Variants in FKBP5 observed in about 807,000 individuals in gnomAD.
FKBP5 encodes peptidyl-prolyl cis-trans isomerase FKBP5.
A neutral mutation model predicts 50.5 loss-of-function variants in FKBP5; 23 were observed. The ratio of observed to expected loss-of-function variants is 0.46; its 90% CI spans 0.33 to 0.65. FKBP5 has a LOEUF of 0.65. Among genes scored for constraint, FKBP5 ranks in the 30% least tolerant of loss-of-function variants. The probability of loss-of-function intolerance (pLI) is 0.02; values close to 1 mark genes in which losing one functional copy is unlikely to be tolerated. For synonymous variants in FKBP5, 176 were observed against 190.6 expected, an observed-to-expected ratio of 0.92 and a Z score of 0.63; for missense variants, 411 against 553.1, an observed-to-expected ratio of 0.74 and a Z score of 2.58.
chr6:35,575,005 AGAG>A lies in FKBP5; in HGVS notation c.*827_*829del, dbSNP rs749294394. On this transcript the variant is annotated 3_prime_UTR_variant, in exon 11 of 11. Transcript: ENST00000357266. ...TTGAATATTATTCCCTAAAAGGAAT[AGAG>A]GAGGGGAGAAAAAGCACAATTCTGA... 1 of 152,238 alleles carries A rather than the reference AGAG, an allele frequency of 6.6e-6. No homozygotes were observed. 9.4% of individuals were successfully genotyped at this position (152,238 alleles called of 1,614,324 possible).
intron 9 of FKBP5, among the ~76,000 whole-genome samples, chr6:35,578,692 C>T (rs541807500): frequency 1.3e-4 from 20 of 149,258 alleles, no homozygotes; most frequent in Middle Eastern, 3.5e-3. Flanking sequence ...CGCTTGAACT[C>T]GGGAGGTGGA....
At chr6:35,636,704 T>C (rs1221254361) in intron 3 of FKBP5, among the ~76,000 whole-genome samples, 1 of 152,236 alleles carries the variant, frequency 6.6e-6, no homozygotes, top group Non-Finnish European at 1.5e-5. Context: ...CTGGAACAGC[T>C]GGTTACCACT....
At chr6:35,667,072 T>C (rs1375032129) in intron 1 of FKBP5, among the ~76,000 whole-genome samples, 1 of 150,720 alleles carries the variant, frequency 6.6e-6, no homozygotes, top group Non-Finnish European at 1.5e-5. Context: ...CATAGATGCA[T>C]GCCTTTTAAA....
intron 8 of FKBP5, chr6:35,582,579 G>A: frequency 1.2e-6 from 1 of 828,774 alleles, no homozygotes; most frequent in Non-Finnish European, 1.5e-6. Flanking sequence ...CACTGATCCT[G>A]CTAACACCTT....
At chr6:35,585,749 G>GT (rs1762579119) in intron 8 of FKBP5, 1 of 983,746 alleles carries the variant, frequency 1.0e-6, no homozygotes, top group African/African-American at 1.7e-5. Context: ...CACAAGCAAA[G>GT]TTTTATGCAA....
At chr6:35,712,328 G>C (rs1766430147) in intron 2 of FKBP5, among the ~76,000 whole-genome samples, 1 of 152,092 alleles carries the variant, frequency 6.6e-6, no homozygotes, top group South Asian at 2.1e-4. Flanking sequence ...TTGCCACAGA[G>C]TTGTTTGTTT....
intron 8 of FKBP5, chr6:35,582,658 T>C (rs949010048): frequency 2.4e-5 from 24 of 985,160 alleles, no homozygotes; most frequent in Non-Finnish European, 4.8e-6. Flanking sequence ...GGTATTTTAC[T>C]GTGGCAGCCC....
chr6:35,633,739 G>A (rs922693223), intron 3 of FKBP5, among the ~76,000 whole-genome samples: 1 of 151,948 alleles, frequency 6.6e-6, no homozygotes, highest in Non-Finnish European at 1.5e-5. Context: ...AGTCTTTTAT[G>A]GTTTTTGTTC....
At chr6:35,590,888 T>TAAAAAA (rs199896008) in intron 7 of FKBP5, among the ~76,000 whole-genome samples, 1 of 131,162 alleles carries the variant, frequency 7.6e-6, no homozygotes, top group Non-Finnish European at 1.7e-5. Context: ...CCAAAAAAGT[T>TAAAAAA]AAAAAAAAAA....
At chr6:35,628,899 T>C (rs1428707206) in intron 3 of FKBP5, among the ~76,000 whole-genome samples, 1 of 152,194 alleles carries the variant, frequency 6.6e-6, no homozygotes, top group Non-Finnish European at 1.5e-5. Context: ...GTATTTGTAG[T>C]AGAGACAGGG....
At chr6:35,591,343 G>A in intron 6 of FKBP5, 123 bp from the exon 7 acceptor site, 1 of 617,522 alleles carries the variant, frequency 1.6e-6, no homozygotes, top group South Asian at 2.0e-5. Flanking sequence ...AGACCCTGAA[G>A]ACAAACCAGA....
intron 3 of FKBP5, among the ~76,000 whole-genome samples, chr6:35,635,286 G>A (rs964415325): frequency 6.6e-6 from 1 of 152,034 alleles, no homozygotes; most frequent in African/African-American, 2.4e-5. Flanking sequence ...GCAGTGGGCC[G>A]AGATGGTGCT....
chr6:35,588,806 A>G (rs529383998), intron 7 of FKBP5, among the ~76,000 whole-genome samples: 22 of 143,500 alleles, frequency 1.5e-4, no homozygotes, highest in Middle Eastern at 3.7e-3. Flanking sequence ...GGGTCTCACT[A>G]TGTTGCTCAG....
At chr6:35,675,398 C>G (rs143156374) in intron 1 of FKBP5, among the ~76,000 whole-genome samples, 3 of 152,088 alleles carry the variant, frequency 2.0e-5, no homozygotes, top group Non-Finnish European at 2.9e-5. Context: ...GGTGAAACCC[C>G]GTCTCTACTA....
chr6:35,657,008 G>A (rs1027390946), intron 1 of FKBP5, among the ~76,000 whole-genome samples: 13 of 151,596 alleles, frequency 8.6e-5, no homozygotes, highest in African/African-American at 1.9e-4. Context: ...TCAGGAGATC[G>A]AGACCATCCT....
At chr6:35,705,250 ATATATATATTTTTTTTTTTTTTTTTTTT>A in intron 2 of FKBP5, among the ~76,000 whole-genome samples, 2 of 4,630 alleles carry the variant, frequency 4.3e-4, no homozygotes, top group East Asian at 0.012. Context: ...ATATATATAT[ATATATATATTTTTTTTTTTTTTTTTTTT>A]TTTTTGGAGA....
intron 1 of FKBP5, among the ~76,000 whole-genome samples, chr6:35,681,812 G>T (rs974486724): frequency 6.6e-6 from 1 of 151,956 alleles, no homozygotes; most frequent in African/African-American, 2.4e-5. Flanking sequence ...ATGTAAAAAA[G>T]ATATTTGATA....
intron 1 of FKBP5, among the ~76,000 whole-genome samples, chr6:35,652,201 G>A (rs4544902): frequency 0.68 from 98,886 of 145,634 alleles, 31,964 homozygotes; most frequent in East Asian, 0.76. Flanking sequence ...AGAAGGATGT[G>A]TATCGTCTCA....
Position 35,575,844 on chromosome 6 carries a change from G to A in FKBP5, c.1365C>T (p.Gly455=), listed in dbSNP as rs956058356. The change falls in exon 11 of 11, where the codon GGC becomes GGT. Residue 455 remains glycine, a synonymous_variant. Transcript: ENST00000357266. The part of the protein sequence containing the change: ...SQAMEEEKPE[G]HV ...CCTCCTTGGCGTGGCGTCATACGTG[G>A]CCCTCAGGTTTCTCTTCTTCCATTG... is the stretch of plus-strand genomic sequence containing the variant. 3.1e-6 allele frequency: 5 copies of A among 1,610,868 alleles called. No homozygotes were observed. Among genetic ancestry groups the A allele is most frequent in the Non-Finnish European group, 4.2e-6 (5 of 1,177,016 alleles).
Sources: gnomAD v4.1 joint callset for allele counts (sites outside exome capture counted in the v4.1 genomes callset) on GRCh38, gnomAD v4.1.1 for gene constraint, MANE v1.5 for transcripts, NCBI Gene and HGNC (gene_info 2026-07-23, HGNC 2026-07-21) for gene names.